Variants in ABCG1 observed in about 807,000 individuals in gnomAD.
The protein encoded by ABCG1 is ATP-binding cassette sub-family G member 1.
Under a neutral mutation model 69.2 loss-of-function variants are expected in ABCG1, and 29 were observed. The ratio of observed to expected loss-of-function variants is 0.42; its 90% CI spans 0.31 to 0.57. The LOEUF (loss-of-function observed/expected upper bound fraction) is 0.57. Ranked by LOEUF, ABCG1 falls within the 20% of genes least tolerant of loss-of-function variation. ABCG1 has a pLI of 0.15. For missense variants in ABCG1, 718 were observed against 898.1 expected, an observed-to-expected ratio of 0.80 and a Z score of 2.56; for synonymous variants, 370 against 374.8, an observed-to-expected ratio of 0.99 and a Z score of 0.15.
chr21:42,242,775 G>GT (rs895828827), intron 2 of ABCG1, among the ~76,000 whole-genome samples: 24 of 152,284 alleles, frequency 1.6e-4, no homozygotes, highest in Admixed American at 1.4e-3. Context: ...TGTTTGTTGT[G>GT]TTTTTTGGTT....
chr21:42,214,013 T>C (rs2067614438), upstream of ABCG1, among the ~76,000 whole-genome samples: 1 of 152,352 alleles, frequency 6.6e-6, no homozygotes, highest in South Asian at 2.1e-4. Context: ...TTTAAGACTT[T>C]GGGCCCTATT....
intron 10 of ABCG1, among the ~76,000 whole-genome samples, chr21:42,289,656 C>T (rs1249118623): frequency 2.6e-5 from 4 of 152,200 alleles, no homozygotes; most frequent in Non-Finnish European, 5.9e-5. Flanking sequence ...GGGCTCACCG[C>T]CGTCCACAGC....
At chr21:42,248,536 C>T (rs2068168978) in intron 2 of ABCG1, among the ~76,000 whole-genome samples, 1 of 152,126 alleles carries the variant, frequency 6.6e-6, no homozygotes, top group Non-Finnish European at 1.5e-5. Flanking sequence ...GCGCTCTCAG[C>T]AGCACTGTTC....
intron 4 of ABCG1, among the ~76,000 whole-genome samples, chr21:42,275,004 T>C (rs1443090056): frequency 6.6e-6 from 1 of 152,058 alleles, no homozygotes; most frequent in Non-Finnish European, 1.5e-5. Context: ...CCTGGCACCC[T>C]AGGGGGCATC....
intron 2 of ABCG1, among the ~76,000 whole-genome samples, chr21:42,233,749 G>A (rs564932942): frequency 3.3e-5 from 5 of 152,262 alleles, no homozygotes; most frequent in African/African-American, 1.2e-4. Context: ...GCATCACTGC[G>A]GCATCCGCAG....
chr21:42,235,690 GTGGGGACC>G (rs1272289209), intron 2 of ABCG1, among the ~76,000 whole-genome samples: 10 of 152,250 alleles, frequency 6.6e-5, no homozygotes, highest in Non-Finnish European at 5.9e-5. Flanking sequence ...ATACGGGGCT[GTGGGGACC>G]TAGGTTGTAT....
At chr21:42,263,401 T>C (rs1435986575) in intron 2 of ABCG1, among the ~76,000 whole-genome samples, 1 of 152,192 alleles carries the variant, frequency 6.6e-6, no homozygotes, top group African/African-American at 2.4e-5. Context: ...TAAAAGTAGT[T>C]AGCCCTGAAG....
At position 42,273,440 on chromosome 21, in the gene ABCG1, G is replaced by A; in HGVS notation, c.537+5G>A. The A allele has an allele frequency of 2.5e-6, 4 of 1,612,424 alleles. No individual in the cohort carries two copies. The highest frequency in any genetic ancestry group is 2.2e-5 in the East Asian group (1 of 44,870). On this transcript the variant is annotated splice_donor_5th_base_variant and intron_variant, in intron 4 of 14. Coordinates refer to ENST00000398449, the MANE Select transcript of ABCG1 (RefSeq NM_016818.3). The surrounding 1 kb of genome is among the most constrained non-coding windows in gnomAD (Gnocchi z 5.3). Reference sequence around the variant, plus strand: ...ACTGTGCAGGAGGCCATGATGGTGAGCTCCGCCCTGCCCCGCCCCACTCCG... The same window carrying A: ...ACTGTGCAGGAGGCCATGATGGTGAACTCCGCCCTGCCCCGCCCCACTCCG...
At chr21:42,215,641 G>A (rs1159240115), upstream of ABCG1, among the ~76,000 whole-genome samples, 1 of 152,222 alleles carries the variant, frequency 6.6e-6, no homozygotes, top group African/African-American at 2.4e-5. Context: ...GGGACACGAG[G>A]AACTGGCACC....
chr21:42,293,602 GTACACACCACACTACACAC>G lies in ABCG1; in HGVS notation c.1654-927_1654-909del, dbSNP rs1263070391. ...CACTACACACATACCACACTACACA[GTACACACCACACTACACAC>G]TACACACCACACACACACCACACAC... On this transcript the variant is annotated intron_variant, in intron 13 of 14. Coordinates refer to ENST00000398449, the MANE Select transcript of ABCG1 (RefSeq NM_016818.3). Among the ~76,000 whole-genome samples, 8 of 65,120 alleles carry G rather than the reference GTACACACCACACTACACAC, an allele frequency of 1.2e-4. No individual in the cohort carries two copies. In the East Asian group the frequency reaches 2.9e-3, roughly 24 times the overall value. The allele number at this position is 65,120 out of a possible 152,430, so 42.7% of individuals were successfully genotyped here. A position where few individuals can be genotyped will look rare whatever the true frequency, so the allele number is the denominator to read the frequency against.
At position 42,284,608 on chromosome 21, in the gene ABCG1, G is replaced by A; in HGVS notation, c.783G>A (p.Gly261=). The A allele has an allele frequency of 1.2e-6, 2 of 1,613,868 alleles. No individual in the cohort carries two copies. The highest frequency in any genetic ancestry group is 1.7e-6 in the Non-Finnish European group (2 of 1,180,018). The change falls in exon 7 of 15, where the codon GGG becomes GGA. Residue 261 remains glycine (G), a synonymous_variant. Coordinates refer to ENST00000398449, the MANE Select transcript of ABCG1 (RefSeq NM_016818.3). Reference sequence around the variant, plus strand: ...TCCAGGTGGTCTCGCTGATGAAAGGGCTCGCTCAAGGGGGTCGCTCCATCA... The same window carrying A: ...TCCAGGTGGTCTCGCTGATGAAAGGACTCGCTCAAGGGGGTCGCTCCATCA... The part of the protein sequence containing the change: ...SCFQVVSLMK[G]LAQGGRSIIC...
intron 2 of ABCG1, among the ~76,000 whole-genome samples, chr21:42,256,856 T>C (rs946184742): frequency 2.0e-5 from 3 of 152,250 alleles, no homozygotes; most frequent in Non-Finnish European, 4.4e-5. Context: ...GGATTCTTAA[T>C]TCACGTGGCT....
rs2069220977 is a variant in ABCG1 at position 42,296,809 on chromosome 21, G to T, written c.*417G>T. 9.5e-6 allele frequency: 2 copies of T among 211,386 alleles called. No individual in the cohort carries two copies. The highest frequency in any genetic ancestry group is 1.1e-4 in the South Asian group (1 of 9,116). 13.1% of individuals were successfully genotyped at this position (211,386 alleles called of 1,614,324 possible). On this transcript the variant is annotated 3_prime_UTR_variant, in exon 15 of 15. Transcript: ENST00000398449. The surrounding 1 kb of genome is among the most constrained non-coding windows in gnomAD (Gnocchi z 5.4). ...TGGCTGCACAGTCAGATGTCTGGTG[G>T]CAGAGAGTCCGAGCATGGAGCGATT...
rs1294918170 is a variant in ABCG1, at chr21:42,219,948, G to A, written c.42+644G>A. On this transcript the variant is annotated intron_variant, in intron 1 of 14. Transcript: ENST00000398449. The surrounding 1 kb of genome is among the most constrained non-coding windows in gnomAD (Gnocchi z 5.3). Reference sequence around the variant, plus strand: ...CGGCCGCCTTTCTGCGCGCGCCGGAGAGAGAGACGCGGTGGGGACAGGGAT... The same window carrying A: ...CGGCCGCCTTTCTGCGCGCGCCGGAAAGAGAGACGCGGTGGGGACAGGGAT... The A allele has an allele frequency of 2.6e-6, 4 of 1,551,420 alleles. No homozygotes were observed. In the African/African-American group the frequency reaches 5.5e-5, roughly 21 times the overall value.
chr21:42,280,471 G>A (rs535433354), intron 5 of ABCG1, among the ~76,000 whole-genome samples: 9 of 152,354 alleles, frequency 5.9e-5, no homozygotes, highest in Middle Eastern at 3.4e-3. Flanking sequence ...AGCGCCCGCC[G>A]GGAAGCCCCA....
intron 2 of ABCG1, among the ~76,000 whole-genome samples, chr21:42,249,667 A>G (rs942920576): frequency 2.0e-5 from 3 of 152,208 alleles, no homozygotes; most frequent in Non-Finnish European, 2.9e-5. Context: ...AATGTAAGGC[A>G]GTTTGAAATC....
upstream of ABCG1, among the ~76,000 whole-genome samples, chr21:42,218,418 T>C (rs540310251): frequency 2.2e-5 from 3 of 137,592 alleles, no homozygotes; most frequent in East Asian, 3.9e-4. Flanking sequence ...TTATTCCTTA[T>C]ACAGTTCCAT....
chr21:42,239,943 C>T (rs1196919898), intron 2 of ABCG1, among the ~76,000 whole-genome samples: 4 of 152,214 alleles, frequency 2.6e-5, no homozygotes, highest in Non-Finnish European at 5.9e-5. Flanking sequence ...TTTTGGGTGT[C>T]TGGTGATTGC....
chr21:42,269,065 G>A lies in ABCG1; in HGVS notation c.287-2005G>A, dbSNP rs117689751. The stretch of plus-strand genomic sequence containing the variant: ...GCCCGAGGCATGAACCCTCAGGTGG[G>A]TCGTGGCCATAGTCAGATGATGGCT... On this transcript the variant is annotated intron_variant, in intron 2 of 14. Coordinates refer to ENST00000398449, the MANE Select transcript of ABCG1 (RefSeq NM_016818.3). Among the ~76,000 whole-genome samples the A allele has an allele frequency of 4.9e-3, 751 of 152,318 alleles. 4 individuals carry two copies. Among genetic ancestry groups the A allele is most frequent in the Non-Finnish European group, 8.6e-3 (586 of 68,022 alleles).
Sources: allele counts gnomAD v4.1 joint callset (sites outside exome capture counted in the v4.1 genomes callset), GRCh38; gene constraint gnomAD v4.1.1; non-coding constraint Gnocchi (gnomAD v3.1); transcripts MANE v1.5; gene names NCBI Gene and HGNC (gene_info 2026-07-23, HGNC 2026-07-21).